The following SLC25A21 variants were observed in gnomAD, a reference collection of about 807,000 sequenced individuals.
SLC25A21 encodes the protein solute carrier family 25 member 21.
SLC25A21 carries 47 observed loss-of-function variants against 43.8 expected under a neutral mutation model. The ratio of observed to expected loss-of-function variants is 1.07; its 90% CI spans 0.85 to 1.37. The LOEUF is 1.37. SLC25A21 is among the 40% of genes most tolerant of loss of function. The pLI is 0.00. For missense variants in SLC25A21, 352 were observed against 350.2 expected, an observed-to-expected ratio of 1.00 and a Z score of -0.04; for synonymous variants, 131 against 121.3, an observed-to-expected ratio of 1.08 and a Z score of -0.52.
intron 1 of SLC25A21, among the ~76,000 whole-genome samples, chr14:36,949,755 T>C (rs929133679): frequency 6.6e-6 from 1 of 152,206 alleles, no homozygotes; most frequent in African/African-American, 2.4e-5. Flanking sequence ...AGAGTTGAAT[T>C]GGGACAGTAA....
chr14:36,834,929 C>T (rs988157159), intron 2 of SLC25A21, among the ~76,000 whole-genome samples: 53 of 152,188 alleles, frequency 3.5e-4, no homozygotes, highest in Admixed American at 3.3e-3. Context: ...AAAAAATAGT[C>T]ATCCCACCAT....
chr14:37,067,079 A>G (rs568155071), intron 1 of SLC25A21, among the ~76,000 whole-genome samples: 15 of 152,300 alleles, frequency 9.8e-5, no homozygotes, highest in African/African-American at 3.6e-4. Context: ...TGGGCTAAGG[A>G]GTAACATATA....
chr14:36,992,409 T>TA (rs935965490), intron 1 of SLC25A21, among the ~76,000 whole-genome samples: 7 of 150,310 alleles, frequency 4.7e-5, no homozygotes, highest in Non-Finnish European at 1.0e-4. Context: ...CCTATCTCTA[T>TA]AAAAAAATAA....
intron 2 of SLC25A21, among the ~76,000 whole-genome samples, chr14:36,835,198 A>G (rs1466187023): frequency 6.6e-6 from 1 of 152,206 alleles, no homozygotes; most frequent in Non-Finnish European, 1.5e-5. Context: ...CGATAGGCTA[A>G]CCATTGCCTG....
intron 1 of SLC25A21, among the ~76,000 whole-genome samples, chr14:37,018,956 G>A (rs1327262772): frequency 6.6e-6 from 1 of 151,864 alleles, no homozygotes; most frequent in Non-Finnish European, 1.5e-5. Context: ...TATAGCTGTG[G>A]GTTTATCCCA....
chr14:36,779,433 C>A (rs1886958183), intron 3 of SLC25A21, among the ~76,000 whole-genome samples: 1 of 135,256 alleles, frequency 7.4e-6, no homozygotes. Flanking sequence ...AGAATATTAT[C>A]CAGGCTTTAA....
chr14:36,977,830 C>G (rs772126005), intron 1 of SLC25A21, among the ~76,000 whole-genome samples: 3 of 151,960 alleles, frequency 2.0e-5, no homozygotes, highest in Non-Finnish European at 4.4e-5. Context: ...CAAACACATA[C>G]CATCAGCATT....
intron 1 of SLC25A21, among the ~76,000 whole-genome samples, chr14:36,883,076 AT>A (rs760739081): frequency 6.6e-6 from 1 of 152,010 alleles, no homozygotes; most frequent in Non-Finnish European, 1.5e-5. Context: ...GACCTCTCCC[AT>A]CTGTTCTCAC....
Position 37,107,771 on chromosome 14 carries a change from C to A in SLC25A21, c.70+64510G>T, listed in dbSNP as rs534831944. ...GCTCCAAGATTCAAGTCCAGCCATT[C>A]CCTCTCCTATACCTATTACATGTAT... On this transcript the variant is annotated intron_variant, in intron 1 of 9. Transcript: ENST00000331299. Among the ~76,000 whole-genome samples the A allele has an allele frequency of 1.1e-4, 16 of 152,248 alleles. 2 individuals carry two copies. Among genetic ancestry groups the A allele is most frequent in the African/African-American group, 3.8e-4 (16 of 41,568 alleles).
chr14:36,680,454 TTTC>T lies in SLC25A21; in HGVS notation c.*201_*203del. On this transcript the variant is annotated 3_prime_UTR_variant, in exon 10 of 10. Coordinates refer to ENST00000331299, the MANE Select transcript of SLC25A21 (RefSeq NM_030631.4). The stretch of plus-strand genomic sequence containing the variant: ...ATACCTCATTGTTTCATATTATTTT[TTTC>T]TTCTCACAGTTTTATTTATACAGCC... 1.7e-6 allele frequency: 2 copies of T among 1,198,886 alleles called. No homozygotes were observed. Among genetic ancestry groups the T allele is most frequent in the Non-Finnish European group, 2.1e-6 (2 of 961,594 alleles). The allele number at this position is 1,198,886 out of a possible 1,614,324, so 74.3% of individuals were successfully genotyped here.
rs183714326 is a variant in SLC25A21 at position 36,714,305 on chromosome 14, A to T, written c.439-2823T>A. ...TCTGGCTGTCCTTTCCTTTTCCCAGAGTCCCAGACCTTTGTGATAAAGTCC... is the reference window on the plus strand; with the variant it reads ...TCTGGCTGTCCTTTCCTTTTCCCAGTGTCCCAGACCTTTGTGATAAAGTCC... On this transcript the variant is annotated intron_variant, in intron 6 of 9. Coordinates refer to ENST00000331299, the MANE Select transcript of SLC25A21 (RefSeq NM_030631.4). 7.2e-3 allele frequency among the ~76,000 whole-genome samples: 1,101 copies of T among 152,312 alleles called. 14 individuals carry two copies. The highest frequency in any genetic ancestry group is 0.026 in the African/African-American group (1,066 of 41,554).
chr14:36,891,032 C>A (rs113854898), intron 1 of SLC25A21, among the ~76,000 whole-genome samples: 9 of 152,226 alleles, frequency 5.9e-5, no homozygotes, highest in African/African-American at 1.7e-4. Context: ...AGTATTAAGT[C>A]CTCAAAAGTA....
intron 2 of SLC25A21, among the ~76,000 whole-genome samples, chr14:36,822,829 G>A (rs535544885): frequency 1.3e-5 from 2 of 152,140 alleles, no homozygotes. Flanking sequence ...TTTAAAGACT[G>A]ATATTTTGTG....
chr14:36,812,458 A>G (rs1382498136), intron 3 of SLC25A21, among the ~76,000 whole-genome samples: 1 of 150,326 alleles, frequency 6.7e-6, no homozygotes, highest in African/African-American at 2.4e-5. Context: ...ATAAAAATAT[A>G]TAAAAGTTAT....
At chr14:36,761,203 T>C (rs1886143106) in intron 3 of SLC25A21, among the ~76,000 whole-genome samples, 1 of 152,218 alleles carries the variant, frequency 6.6e-6, no homozygotes, top group Non-Finnish European at 1.5e-5. Flanking sequence ...GAGCATTTTC[T>C]CCTGGCTTTG....
At chr14:37,029,578 T>C (rs1040065989) in intron 1 of SLC25A21, among the ~76,000 whole-genome samples, 1 of 152,136 alleles carries the variant, frequency 6.6e-6, no homozygotes, top group African/African-American at 2.4e-5. Context: ...GTTAGCACAG[T>C]ACTTACAGAC....
intron 3 of SLC25A21, among the ~76,000 whole-genome samples, chr14:36,754,393 A>G (rs1286191302): frequency 1.3e-5 from 2 of 152,174 alleles, no homozygotes; most frequent in Non-Finnish European, 2.9e-5. Flanking sequence ...AAGGCTATAT[A>G]TGATAGAAAA....
chr14:37,167,272 T>C (rs8003685), intron 1 of SLC25A21, among the ~76,000 whole-genome samples: 7,749 of 152,282 alleles, frequency 0.051, 662 homozygotes, highest in African/African-American at 0.18. Context: ...TAGAGTCTTT[T>C]TTTCTCAAAG....
At chr14:36,902,323 C>T (rs559461228) in intron 1 of SLC25A21, among the ~76,000 whole-genome samples, 3 of 152,266 alleles carry the variant, frequency 2.0e-5, no homozygotes, top group African/African-American at 7.2e-5. Context: ...AGAGTCCAGC[C>T]ATCCCAGTGA....
Sources: allele counts gnomAD v4.1 joint callset (sites outside exome capture counted in the v4.1 genomes callset), GRCh38; gene constraint gnomAD v4.1.1; transcripts MANE v1.5; gene names NCBI Gene and HGNC (gene_info 2026-07-23, HGNC 2026-07-21).